COPS9: variants seen among roughly 807,000 people sequenced by gnomAD.
COPS9 encodes the protein COP9 signalosome complex subunit 9.
In COPS9, 8 loss-of-function variants were observed where a neutral mutation model predicts 7.2. The observed-to-expected ratio is 1.11, with a 90% CI of 0.65 to 2.00. The LOEUF (loss-of-function observed/expected upper bound fraction) is 2.00, where lower values mean the gene tolerates loss of function less well. Ranked by LOEUF, COPS9 falls within the 30% of genes most tolerant of loss-of-function variation. The pLI, the probability that COPS9 is intolerant of heterozygous loss-of-function variation, is 0.00. For missense variants in COPS9, 74 were observed against 77.7 expected (o/e 0.95, Z 0.18); for synonymous variants, 39 against 28.7 (o/e 1.36, Z -1.14).
At chr2:240,136,036 C>T in intron 1 of COPS9, 186 bp downstream of exon 1, 1 of 1,001,282 alleles carries the variant, frequency 1.0e-6, no homozygotes, top group Non-Finnish European at 1.4e-6. Flanking sequence ...CGCGGTCGGT[C>T]GCCGCCTTTC....
intron 1 of COPS9, chr2:240,135,883 T>G: frequency 1.8e-5 from 5 of 277,616 alleles, no homozygotes; most frequent in East Asian, 1.3e-4. Context: ...CGGGCCCCCA[T>G]GGGGTGCTGC....
intron 2 of COPS9, among the ~76,000 whole-genome samples, chr2:240,133,096 G>T (rs918641039): frequency 6.6e-6 from 1 of 152,192 alleles, no homozygotes; most frequent in African/African-American, 2.4e-5. Context: ...GATGGCAGGG[G>T]GTCTCTGGTA....
At chr2:240,127,345 A>G (rs2071877192), downstream of COPS9, among the ~76,000 whole-genome samples, 1 of 147,552 alleles carries the variant, frequency 6.8e-6, no homozygotes, top group Non-Finnish European at 1.5e-5. Flanking sequence ...GTCCAGTCCC[A>G]GGGCCCCTGT....
chr2:240,134,780 T>C (rs1205435589), intron 1 of COPS9, among the ~76,000 whole-genome samples: 1 of 152,160 alleles, frequency 6.6e-6, no homozygotes, highest in Non-Finnish European at 1.5e-5. Context: ...CCACCCTCCC[T>C]GTCCCCATCA....
chr2:240,131,134 G>A lies in COPS9; in HGVS notation c.137-46C>T, dbSNP rs777831667. 13 of 1,595,034 alleles carry A rather than the reference G, an allele frequency of 8.2e-6. No individual in the cohort carries two copies. In the South Asian group the frequency reaches 1.5e-4, roughly 18 times the overall value. ...ACGTAGTTACACCTACAAGGGTAAGGGCTGAAGAAATCACTTCAGAATGAA... is the reference window on the plus strand; with the variant it reads ...ACGTAGTTACACCTACAAGGGTAAGAGCTGAAGAAATCACTTCAGAATGAA... On this transcript the variant is annotated intron_variant, in intron 2 of 2. Coordinates refer to ENST00000607357, the MANE Select transcript of COPS9 (RefSeq NM_001163424.2).
rs2071933841 is a variant in COPS9, at chr2:240,132,556, G to A, written c.136+1377C>T. Among the ~76,000 whole-genome samples, 1 of 152,216 alleles carries A rather than the reference G, an allele frequency of 6.6e-6. No individual in the cohort carries two copies. The highest frequency in any genetic ancestry group is 6.5e-5 in the Admixed American group (1 of 15,286). On this transcript the variant is annotated intron_variant, in intron 2 of 2. Coordinates refer to ENST00000607357, the MANE Select transcript of COPS9 (RefSeq NM_001163424.2). The surrounding 1 kb of genome is among the most constrained non-coding windows in gnomAD (Gnocchi z 4.1). The stretch of plus-strand genomic sequence containing the variant: ...TGCTGGGCGCTCACCTGACGGGTAG[G>A]ACCTGGGTCCCTCTCAGAGATGCTT...
rs1020654921 is a variant in COPS9 at position 240,132,075 on chromosome 2, C to A, written c.137-987G>T. 6.6e-6 allele frequency among the ~76,000 whole-genome samples: 1 copy of A among 152,208 alleles called. No individual in the cohort carries two copies. The highest frequency in any genetic ancestry group is 1.5e-5 in the Non-Finnish European group (1 of 68,038). On this transcript the variant is annotated intron_variant, in intron 2 of 2. Transcript: ENST00000607357. The surrounding 1 kb of genome is among the most constrained non-coding windows in gnomAD (Gnocchi z 4.1). ...CACTTTTGCGCAGTCCTGGGCCTGG[C>A]TGACTCCACACCTTCCGACCTCTGC...
intron 1 of COPS9, among the ~76,000 whole-genome samples, chr2:240,134,833 T>C (rs2151712152): frequency 6.6e-6 from 1 of 152,262 alleles, no homozygotes; most frequent in Non-Finnish European, 1.5e-5. Context: ...AGCTTGTCCC[T>C]ACCTCCATCT....
chr2:240,136,288 G>T lies in COPS9; in HGVS notation c.-4C>A, dbSNP rs1245858541. 1.9e-6 allele frequency: 3 copies of T among 1,563,754 alleles called. No homozygotes were observed. The highest frequency in any genetic ancestry group is 5.2e-5 in the East Asian group (2 of 38,818). On this transcript the variant is annotated 5_prime_UTR_variant, in exon 1 of 3. Coordinates refer to ENST00000607357, the MANE Select transcript of COPS9 (RefSeq NM_001163424.2). ...TCTCGTCCACCGCCGGCTTCATCTC[G>T]GGGCCGCGGCGCTCTAGGCTCACTT...
downstream of COPS9, among the ~76,000 whole-genome samples, chr2:240,127,617 C>T (rs1366834168): frequency 1.3e-5 from 2 of 152,180 alleles, no homozygotes; most frequent in African/African-American, 4.8e-5. Flanking sequence ...GCAGAGCCCT[C>T]ATGAGTGGGA....
chr2:240,131,973 G>A (rs576349156), intron 2 of COPS9, among the ~76,000 whole-genome samples: 8 of 152,276 alleles, frequency 5.3e-5, no homozygotes, highest in East Asian at 1.9e-4. Flanking sequence ...AGAGGGTCCC[G>A]ACGCTCCCCA....
chr2:240,136,172 C>A, intron 1 of COPS9, 50 bp downstream of exon 1: 1 of 1,458,650 alleles, frequency 6.9e-7, no homozygotes, highest in East Asian at 2.8e-5. Context: ...CCCTTCCGCT[C>A]CCCCTTCCCC....
At chr2:240,129,715 A>G (rs1382218455), downstream of COPS9, among the ~76,000 whole-genome samples, 1 of 152,194 alleles carries the variant, frequency 6.6e-6, no homozygotes, top group Non-Finnish European at 1.5e-5. Flanking sequence ...GAAACTGTAA[A>G]AACAACTCTC....
chr2:240,126,690 C>G, downstream of COPS9: 1 of 1,614,198 alleles, frequency 6.2e-7, no homozygotes. Context: ...GCTGTCTTCG[C>G]TGACCTCTCG....
At chr2:240,128,859 A>G (rs1315675399), downstream of COPS9, among the ~76,000 whole-genome samples, 4 of 152,230 alleles carry the variant, frequency 2.6e-5, no homozygotes, top group Non-Finnish European at 1.5e-5. Context: ...AGCTGCAAGG[A>G]TTCTGTGAAG....
At chr2:240,128,491 C>T (rs1376617369), downstream of COPS9, among the ~76,000 whole-genome samples, 1 of 152,190 alleles carries the variant, frequency 6.6e-6, no homozygotes, top group Non-Finnish European at 1.5e-5. Flanking sequence ...CTCCAAGACG[C>T]AGGCAGGCAT....
downstream of COPS9, among the ~76,000 whole-genome samples, chr2:240,129,008 T>G (rs2071893849): frequency 6.6e-6 from 1 of 152,254 alleles, no homozygotes; most frequent in Non-Finnish European, 1.5e-5. Context: ...CAGGAGCTTC[T>G]GGGGCTCACA....
Position 240,132,293 on chromosome 2 carries a change from G to C in COPS9, c.137-1205C>G, listed in dbSNP as rs79975002. 0.064 allele frequency among the ~76,000 whole-genome samples: 9,765 copies of C among 152,252 alleles called. 366 individuals carry two copies. Among genetic ancestry groups the C allele is most frequent in the Non-Finnish European group, 0.083 (5,652 of 68,004 alleles). On this transcript the variant is annotated intron_variant, in intron 2 of 2. Coordinates refer to ENST00000607357, the MANE Select transcript of COPS9 (RefSeq NM_001163424.2). This position sits in a 1 kb window ranked among gnomAD's most constrained non-coding sequence, Gnocchi z 4.1. ...GAACCCTGGTGCCCAGGGTGTAACA[G>C]CCCAGCAAACCCATCTGTTTGACGA...
intron 2 of COPS9, 82 bp from the exon 3 acceptor site, chr2:240,131,170 G>A (rs903437931): frequency 9.9e-6 from 14 of 1,410,842 alleles, no homozygotes; most frequent in Non-Finnish European, 1.4e-5. Flanking sequence ...TTATATAGTA[G>A]TCCAAAATAC....
Sources: allele counts gnomAD v4.1 joint callset (sites outside exome capture counted in the v4.1 genomes callset), GRCh38; gene constraint gnomAD v4.1.1; non-coding constraint Gnocchi (gnomAD v3.1); transcripts MANE v1.5; gene names NCBI Gene and HGNC (gene_info 2026-07-23, HGNC 2026-07-21).